The following SLC5A4 variants were observed in gnomAD, a reference collection of about 807,000 sequenced individuals.
SLC5A4 encodes solute carrier family 5 member 4, also known as probable glucose sensor protein SLC5A4.
Under a neutral mutation model 70.3 loss-of-function variants are expected in SLC5A4, and 55 were observed. The ratio of observed to expected loss-of-function variants is 0.78; its 90% confidence interval spans 0.63 to 0.98. The LOEUF (loss-of-function observed/expected upper bound fraction) is 0.98, where lower values mean the gene tolerates loss of function less well. SLC5A4 is among the 50% of genes least tolerant of loss of function. SLC5A4 has a pLI of 0.00. For synonymous variants in SLC5A4, 268 were observed against 305.7 expected, an observed-to-expected ratio of 0.88 and a Z score of 1.29; for missense variants, 735 against 839.2, an observed-to-expected ratio of 0.88 and a Z score of 1.53.
chr22:32,316,159 A>C, the SLC5A4 span, among the ~76,000 whole-genome samples: 522 of 151,658 alleles, frequency 3.4e-3, 4 homozygotes, highest in African/African-American at 0.012. Context: ...CTGCAGGTGG[A>C]TGATGGTGAT....
chr22:32,338,223 G>A, the SLC5A4 span, among the ~76,000 whole-genome samples: 3 of 152,298 alleles, frequency 2.0e-5, no homozygotes, highest in African/African-American at 4.8e-5. Context: ...ACTGAAACGT[G>A]GGGGATAAAT....
chr22:32,251,709 A>G, intron 3 of SLC5A4, 61 bp downstream of exon 3: 1 of 1,001,756 alleles, frequency 1.0e-6, no homozygotes, highest in East Asian at 2.4e-5. Context: ...AGCAGCATAA[A>G]ACATACTAAG....
chr22:32,282,474 T>C, the SLC5A4 span, among the ~76,000 whole-genome samples: 2 of 152,282 alleles, frequency 1.3e-5, no homozygotes, highest in South Asian at 4.1e-4. Context: ...TTTTGTGAAC[T>C]TGACCTTGAA....
At chr22:32,254,011 C>T in intron 2 of SLC5A4, 131 bp downstream of exon 2, 1 of 766,974 alleles carries the variant, frequency 1.3e-6, no homozygotes, top group Non-Finnish European at 2.4e-6. Flanking sequence ...GAACTCCTGA[C>T]CTCAGATGAT....
chr22:32,257,917 G>A (rs550858541), upstream of SLC5A4, among the ~76,000 whole-genome samples: 250 of 151,308 alleles, frequency 1.7e-3, 2 homozygotes, highest in African/African-American at 5.4e-3. Flanking sequence ...TAATTCTCCC[G>A]CCTTGGCCTC....
At chr22:32,335,215 A>G in the SLC5A4 span, among the ~76,000 whole-genome samples, 2 of 152,278 alleles carry the variant, frequency 1.3e-5, no homozygotes, top group Non-Finnish European at 2.9e-5. Flanking sequence ...GACCACCAGC[A>G]CCAGTGACAG....
At chr22:32,279,223 C>G in the SLC5A4 span, among the ~76,000 whole-genome samples, 2 of 152,258 alleles carry the variant, frequency 1.3e-5, no homozygotes, top group Non-Finnish European at 2.9e-5. Flanking sequence ...TTGCAGTGAG[C>G]GGAGATTGCG....
At chr22:32,316,995 G>A in the SLC5A4 span, among the ~76,000 whole-genome samples, 1 of 148,218 alleles carries the variant, frequency 6.7e-6, no homozygotes, top group African/African-American at 2.6e-5. Context: ...CTATTCAAAT[G>A]CTCTTGAAAG....
At chr22:32,288,585 C>T in the SLC5A4 span, among the ~76,000 whole-genome samples, 5 of 151,964 alleles carry the variant, frequency 3.3e-5, no homozygotes, top group African/African-American at 1.2e-4. Flanking sequence ...GTTGGAGCTT[C>T]GCTATTGTTC....
chr22:32,249,116 A>G (rs1164922719), intron 3 of SLC5A4, among the ~76,000 whole-genome samples: 1 of 152,198 alleles, frequency 6.6e-6, no homozygotes, highest in Non-Finnish European at 1.5e-5. Context: ...TAAATGATAA[A>G]TGGAGTGACA....
the SLC5A4 span, among the ~76,000 whole-genome samples, chr22:32,347,867 TAAAAAA>T: frequency 6.7e-6 from 1 of 149,914 alleles, no homozygotes; most frequent in African/African-American, 2.5e-5. Context: ...ATAATAAAAT[TAAAAAA>T]AGAAAATGAA....
At chr22:32,332,062 G>C in the SLC5A4 span, among the ~76,000 whole-genome samples, 1 of 151,876 alleles carries the variant, frequency 6.6e-6, no homozygotes, top group African/African-American at 2.4e-5. Context: ...CAATCCCATG[G>C]ACTCCACTCC....
the SLC5A4 span, among the ~76,000 whole-genome samples, chr22:32,336,780 G>T: frequency 9.2e-5 from 14 of 152,216 alleles, no homozygotes; most frequent in African/African-American, 2.9e-4. Flanking sequence ...TCCAAGCAAA[G>T]CCAGGGCAGG....
At chr22:32,274,033 G>T in the SLC5A4 span, among the ~76,000 whole-genome samples, 1 of 148,784 alleles carries the variant, frequency 6.7e-6, no homozygotes, top group Non-Finnish European at 1.5e-5. Context: ...GTTAACATTT[G>T]ATATTCTATT....
At chr22:32,287,634 GTTTC>G in the SLC5A4 span, among the ~76,000 whole-genome samples, 3 of 144,448 alleles carry the variant, frequency 2.1e-5, no homozygotes, top group Non-Finnish European at 3.1e-5. Context: ...ATTTCTTTTT[GTTTC>G]TTTCTTTTTT....
chr22:32,336,463 C>G, the SLC5A4 span, among the ~76,000 whole-genome samples: 2 of 152,214 alleles, frequency 1.3e-5, no homozygotes, highest in African/African-American at 4.8e-5. Context: ...TGGGTGGAGC[C>G]ACGCGGGTCT....
At chr22:32,231,175 A>G (rs748390063) in intron 9 of SLC5A4, 100 bp from the exon 10 acceptor site, 249 of 747,086 alleles carry the variant, frequency 3.3e-4, no homozygotes, top group Non-Finnish European at 5.2e-4. Flanking sequence ...GGAAGGAAAG[A>G]CATTTGCCTG....
At chr22:32,220,596 T>C (rs1925016473) in intron 14 of SLC5A4, among the ~76,000 whole-genome samples, 1 of 152,130 alleles carries the variant, frequency 6.6e-6, no homozygotes, top group African/African-American at 2.4e-5. Flanking sequence ...GAAGTAAAGT[T>C]GGAGAGAAGG....
chr22:32,303,050 C>CAGTGTTTT, the SLC5A4 span, among the ~76,000 whole-genome samples: 1 of 151,456 alleles, frequency 6.6e-6, no homozygotes, highest in Non-Finnish European at 1.5e-5. Flanking sequence ...TTTTTTTAAG[C>CAGTGTTTT]AGTGTTTTGT....
Sources: allele counts gnomAD v4.1 joint callset (sites outside exome capture counted in the v4.1 genomes callset), GRCh38; gene constraint gnomAD v4.1.1; transcripts MANE v1.5; gene names NCBI Gene and HGNC (gene_info 2026-07-23, HGNC 2026-07-21).